Variants in TGFBR3 observed in about 807,000 individuals in gnomAD.
The protein encoded by TGFBR3 is transforming growth factor beta receptor 3, also known as transforming growth factor beta receptor type 3.
In TGFBR3, 46 loss-of-function variants were observed where a neutral mutation model predicts 87.9. The ratio of observed to expected loss-of-function variants is 0.52; its 90% confidence interval spans 0.41 to 0.67. The LOEUF (loss-of-function observed/expected upper bound fraction) is 0.67. Among genes scored for constraint, TGFBR3 ranks in the 30% least tolerant of loss-of-function variants. The probability of loss-of-function intolerance (pLI) is 0.00; values close to 1 mark genes in which losing one functional copy is unlikely to be tolerated. For synonymous variants in TGFBR3, 381 were observed against 391.6 expected, an observed-to-expected ratio of 0.97 and a Z score of 0.32; for missense variants, 866 against 1,041.9, an observed-to-expected ratio of 0.83 and a Z score of 2.32.
At chr1:91,847,529 G>C (rs1279441489) in intron 2 of TGFBR3, among the ~76,000 whole-genome samples, 1 of 149,600 alleles carries the variant, frequency 6.7e-6, no homozygotes, top group African/African-American at 2.5e-5. Flanking sequence ...CTTGAACCCA[G>C]TAGGCGGAGG....
intron 15 of TGFBR3, among the ~76,000 whole-genome samples, chr1:91,697,250 G>A (rs1259213910): frequency 6.6e-6 from 1 of 152,084 alleles, no homozygotes; most frequent in African/African-American, 2.4e-5. Context: ...GCCTCTGTTT[G>A]AGTTCATATT....
chr1:91,782,407 G>A (rs17884259), intron 3 of TGFBR3, among the ~76,000 whole-genome samples: 1,938 of 152,292 alleles, frequency 0.013, 26 homozygotes, highest in Middle Eastern at 0.02. Context: ...ACATGCCCAT[G>A]TGCCCAACAC....
intron 4 of TGFBR3, among the ~76,000 whole-genome samples, chr1:91,754,411 A>G (rs951254720): frequency 6.6e-6 from 1 of 152,166 alleles, no homozygotes; most frequent in African/African-American, 2.4e-5. Context: ...GGCCACCCAT[A>G]CACCCTGCAA....
chr1:91,869,168 C>T (rs1678491320), intron 1 of TGFBR3, among the ~76,000 whole-genome samples: 2 of 152,148 alleles, frequency 1.3e-5, no homozygotes, highest in African/African-American at 4.8e-5. Context: ...TCCCTTGGAC[C>T]AAGTTAAACT....
chr1:91,831,074 C>T (rs1676844261), intron 2 of TGFBR3, among the ~76,000 whole-genome samples: 1 of 152,212 alleles, frequency 6.6e-6, no homozygotes, highest in South Asian at 2.1e-4. Context: ...CCAAAGGCCA[C>T]AAGATCTGCT....
chr1:91,826,279 A>T (rs542705262), intron 2 of TGFBR3, among the ~76,000 whole-genome samples: 1 of 152,266 alleles, frequency 6.6e-6, no homozygotes, highest in South Asian at 2.1e-4. Context: ...AAGGGCCATG[A>T]TCGCCTCTTC....
rs556013271 is a variant in TGFBR3 at position 91,882,716 on chromosome 1, G to A, written c.-114+3162C>T. Among the ~76,000 whole-genome samples, 5 of 152,172 alleles carry A rather than the reference G, an allele frequency of 3.3e-5. No homozygotes were observed. The East Asian group carries it at 7.8e-4, about 24-fold the overall frequency. On this transcript the variant is annotated intron_variant, in intron 1 of 16. Coordinates refer to ENST00000212355, the MANE Select transcript of TGFBR3 (RefSeq NM_003243.5). ...GCTGAGATTGCACCACTGCACTCCC[G>A]CCCGGGCGACAGAGCGAGAGACTCC...
chr1:91,799,401 C>T lies in TGFBR3; in HGVS notation c.62-1930G>A, dbSNP rs865873515. 2.6e-5 allele frequency among the ~76,000 whole-genome samples: 4 copies of T among 152,196 alleles called. No individual in the cohort carries two copies. The South Asian group carries it at 6.2e-4, about 24-fold the overall frequency. On this transcript the variant is annotated intron_variant, in intron 2 of 16. Transcript: ENST00000212355. ...ACTGTAAATTCCCTGGAGCCCCTGG[C>T]GGGGTGCGGGGAAACCATATGGGCA...
chr1:91,791,365 A>C (rs1057091474), intron 3 of TGFBR3, among the ~76,000 whole-genome samples: 1 of 152,106 alleles, frequency 6.6e-6, no homozygotes, highest in Non-Finnish European at 1.5e-5. Context: ...ATAGAGCACA[A>C]TGGCTCCTGA....
chr1:91,830,923 T>G (rs2101085849), intron 2 of TGFBR3, among the ~76,000 whole-genome samples: 1 of 152,162 alleles, frequency 6.6e-6, no homozygotes, highest in African/African-American at 2.4e-5. Context: ...GGGAAACGGC[T>G]CTCACCACCC....
chr1:91,853,882 G>A lies in TGFBR3; in HGVS notation c.61+7589C>T, dbSNP rs189168367. 1.1e-4 allele frequency among the ~76,000 whole-genome samples: 16 copies of A among 152,174 alleles called. No homozygotes were observed. The South Asian group carries it at 2.1e-3, about 20-fold the overall frequency. On this transcript the variant is annotated intron_variant, in intron 2 of 16. Transcript: ENST00000212355. ...ACAAAAATTGGCCAGGTGTGGCGGCGCATGCCTGTAGTCCCAGTCAGGAGG... is the reference window on the plus strand; with the variant it reads ...ACAAAAATTGGCCAGGTGTGGCGGCACATGCCTGTAGTCCCAGTCAGGAGG...
intron 1 of TGFBR3, 45 bp downstream of exon 1, chr1:91,885,833 C>T (rs1419815989): frequency 1.7e-4 from 52 of 308,542 alleles, no homozygotes; most frequent in Non-Finnish European, 5.7e-5. Flanking sequence ...GCAGAGCCCA[C>T]AGCCCGGGCG....
chr1:91,741,182 T>C lies in TGFBR3; in HGVS notation c.385-6223A>G, dbSNP rs555444781. Among the ~76,000 whole-genome samples, 108 of 152,334 alleles carry C rather than the reference T, an allele frequency of 7.1e-4. 1 individual carries two copies. Among genetic ancestry groups the C allele is most frequent in the Non-Finnish European group, 1.4e-3 (94 of 68,030 alleles). ...ACTGCCCCTCTTCAGATGCTTCTGATAGTGGGGCTATAAATCATAGGTTCC... is the reference window on the plus strand; with the variant it reads ...ACTGCCCCTCTTCAGATGCTTCTGACAGTGGGGCTATAAATCATAGGTTCC... On this transcript the variant is annotated intron_variant, in intron 4 of 16. Coordinates refer to ENST00000212355, the MANE Select transcript of TGFBR3 (RefSeq NM_003243.5).
chr1:91,720,741 C>A (rs1024524448), intron 8 of TGFBR3, among the ~76,000 whole-genome samples: 1 of 152,170 alleles, frequency 6.6e-6, no homozygotes, highest in Admixed American at 6.5e-5. Context: ...TTACATGATG[C>A]AATATTATTC....
intron 1 of TGFBR3, among the ~76,000 whole-genome samples, chr1:91,874,065 T>C (rs1213283887): frequency 1.3e-5 from 2 of 152,052 alleles, no homozygotes; most frequent in Admixed American, 6.6e-5. Flanking sequence ...GAACAAAACA[T>C]AAAAATCCCT....
chr1:91,682,872 G>A lies in TGFBR3; in HGVS notation c.*867C>T, dbSNP rs1244125141. The A allele has an allele frequency of 2.2e-6, 1 of 452,916 alleles. No homozygotes were observed. The highest frequency in any genetic ancestry group is 4.4e-6 in the Non-Finnish European group (1 of 225,628). 28.1% of individuals were successfully genotyped at this position (452,916 alleles called of 1,614,324 possible). A position where few individuals can be genotyped will look rare whatever the true frequency, so the allele number is the denominator to read the frequency against. On this transcript the variant is annotated 3_prime_UTR_variant, in exon 17 of 17. Transcript: ENST00000212355. Reference sequence around the variant, plus strand: ...TGCATACACATAGAAATATATCACTGTGCAAATTCGTCCTTGACTTTATAA... The same window carrying A: ...TGCATACACATAGAAATATATCACTATGCAAATTCGTCCTTGACTTTATAA...
At chr1:91,835,827 C>CAAAAAAAAAAAAAA (rs57326419) in intron 2 of TGFBR3, among the ~76,000 whole-genome samples, 1 of 74,746 alleles carries the variant, frequency 1.3e-5, no homozygotes, top group Non-Finnish European at 2.9e-5. Flanking sequence ...GACTCCACCT[C>CAAAAAAAAAAAAAA]AAAAAAAAAA....
At chr1:91,872,966 G>A (rs758243996) in intron 1 of TGFBR3, among the ~76,000 whole-genome samples, 16 of 151,330 alleles carry the variant, frequency 1.1e-4, no homozygotes, top group Non-Finnish European at 1.5e-4. Context: ...TTTTTTTGAC[G>A]GGGTGGTGGG....
At chr1:91,702,365 C>T (rs1037108327) in intron 14 of TGFBR3, among the ~76,000 whole-genome samples, 11 of 152,052 alleles carry the variant, frequency 7.2e-5, no homozygotes, top group East Asian at 1.9e-4. Context: ...ATGACCTAAT[C>T]GCCGGGCGCG....
Sources: gnomAD v4.1 joint callset for allele counts (sites outside exome capture counted in the v4.1 genomes callset) on GRCh38, gnomAD v4.1.1 for gene constraint, MANE v1.5 for transcripts, NCBI Gene and HGNC (gene_info 2026-07-23, HGNC 2026-07-21) for gene names.